UNC5C: variants seen among roughly 807,000 people sequenced by gnomAD.
UNC5C encodes netrin receptor UNC5C.
A neutral mutation model predicts 99.8 loss-of-function variants in UNC5C; 47 were observed. The ratio of observed to expected loss-of-function variants is 0.47; its 90% confidence interval spans 0.37 to 0.60. The LOEUF is 0.60. UNC5C is among the 20% of genes least tolerant of loss of function. The pLI is 0.00. For missense variants in UNC5C, 1,062 were observed against 1,165.9 expected (o/e 0.91, Z 1.30); for synonymous variants, 487 against 452.2 (o/e 1.08, Z -0.98).
At chr4:95,544,436 C>T (rs1285852363) in intron 1 of UNC5C, among the ~76,000 whole-genome samples, 2 of 152,150 alleles carry the variant, frequency 1.3e-5, no homozygotes, top group Non-Finnish European at 2.9e-5. Flanking sequence ...AACCCCCCAC[C>T]CACCACTCAC....
At chr4:95,403,625 G>A (rs1745758449) in intron 1 of UNC5C, among the ~76,000 whole-genome samples, 1 of 152,094 alleles carries the variant, frequency 6.6e-6, no homozygotes. Flanking sequence ...CATATTCGTA[G>A]CAGCTACAGA....
At chr4:95,427,517 T>G (rs547689250) in intron 1 of UNC5C, among the ~76,000 whole-genome samples, 1 of 152,218 alleles carries the variant, frequency 6.6e-6, no homozygotes, top group South Asian at 2.1e-4. Context: ...TTCAACAACC[T>G]CCATCCTGAT....
At position 95,203,306 on chromosome 4, in the gene UNC5C, C is replaced by T. The variant is rs1737756528; in HGVS notation, c.1903-342G>A. 2.0e-5 allele frequency among the ~76,000 whole-genome samples: 3 copies of T among 152,100 alleles called. No individual in the cohort carries two copies. The South Asian group carries it at 6.2e-4, about 32-fold the overall frequency. On this transcript the variant is annotated intron_variant, in intron 11 of 15. Coordinates refer to ENST00000453304, the MANE Select transcript of UNC5C (RefSeq NM_003728.4). ...TTCTACTATGTTCTTTCAAAACTCA[C>T]CTGACAGTTTCTTCCTAAAGAAATA...
At position 95,518,225 on chromosome 4, in the gene UNC5C, A is replaced by G. The variant is rs570211829; in HGVS notation, c.124+30509T>C. 3.3e-5 allele frequency among the ~76,000 whole-genome samples: 5 copies of G among 152,204 alleles called. No individual in the cohort carries two copies. The South Asian group carries it at 6.2e-4, about 19-fold the overall frequency. On this transcript the variant is annotated intron_variant, in intron 1 of 15. Coordinates refer to ENST00000453304, the MANE Select transcript of UNC5C (RefSeq NM_003728.4). The stretch of plus-strand genomic sequence containing the variant: ...TGTCACTGGGGATAGTGTCTGAAAA[A>G]ACAAGGCCCATTTTCTCACTCCAAA...
chr4:95,356,254 T>G (rs1424173629), intron 1 of UNC5C, among the ~76,000 whole-genome samples: 1 of 151,382 alleles, frequency 6.6e-6, no homozygotes, highest in Non-Finnish European at 1.5e-5. Flanking sequence ...TCCTCATTCT[T>G]TCCTATGGTA....
intron 1 of UNC5C, among the ~76,000 whole-genome samples, chr4:95,451,804 A>G (rs995534153): frequency 6.6e-6 from 1 of 152,206 alleles, no homozygotes; most frequent in Non-Finnish European, 1.5e-5. Flanking sequence ...AACAAATGAG[A>G]TAAATGTTAA....
chr4:95,411,205 A>T (rs1745977794), intron 1 of UNC5C, among the ~76,000 whole-genome samples: 1 of 152,162 alleles, frequency 6.6e-6, no homozygotes, highest in African/African-American at 2.4e-5. Flanking sequence ...ATCTAACTTT[A>T]AGATATTGAG....
At chr4:95,274,862 CTAAAAATACA>C (rs530228311) in intron 4 of UNC5C, among the ~76,000 whole-genome samples, 1 of 152,140 alleles carries the variant, frequency 6.6e-6, no homozygotes, top group African/African-American at 2.4e-5. Context: ...CCCGTCTCTA[CTAAAAATACA>C]AAAACTAGCC....
intron 12 of UNC5C, among the ~76,000 whole-genome samples, chr4:95,193,604 G>A (rs549141822): frequency 3.3e-5 from 5 of 152,236 alleles, no homozygotes; most frequent in East Asian, 3.9e-4. Flanking sequence ...ATCATGTGTC[G>A]AAAACCTGCC....
chr4:95,444,218 C>G (rs1183832175), intron 1 of UNC5C, among the ~76,000 whole-genome samples: 3 of 152,184 alleles, frequency 2.0e-5, no homozygotes, highest in Non-Finnish European at 2.9e-5. Context: ...ACCTCTTTCT[C>G]CTTTATTCAC....
intron 1 of UNC5C, among the ~76,000 whole-genome samples, chr4:95,458,684 A>G (rs552660552): frequency 2.8e-4 from 43 of 152,044 alleles, no homozygotes; most frequent in Non-Finnish European, 5.0e-4. Context: ...GGTAATAGGT[A>G]CTTATGAAAT....
chr4:95,198,511 G>T (rs1174007949), intron 12 of UNC5C, among the ~76,000 whole-genome samples: 1 of 152,152 alleles, frequency 6.6e-6, no homozygotes, highest in Non-Finnish European at 1.5e-5. Context: ...CAGAGAGACT[G>T]TGATTTAAGT....
intron 3 of UNC5C, among the ~76,000 whole-genome samples, chr4:95,298,230 T>C (rs780214653): frequency 6.6e-6 from 1 of 152,182 alleles, no homozygotes; most frequent in Non-Finnish European, 1.5e-5. Flanking sequence ...TAGAATCACC[T>C]GAGCCTGCGA....
At chr4:95,360,265 A>G (rs1744347973) in intron 1 of UNC5C, among the ~76,000 whole-genome samples, 1 of 152,180 alleles carries the variant, frequency 6.6e-6, no homozygotes, top group Non-Finnish European at 1.5e-5. Context: ...TATTTAACCA[A>G]TATATTTATA....
At chr4:95,486,075 T>A (rs1721320184) in intron 1 of UNC5C, among the ~76,000 whole-genome samples, 1 of 151,832 alleles carries the variant, frequency 6.6e-6, no homozygotes, top group African/African-American at 2.4e-5. Context: ...ATTTATATGA[T>A]TTAATCAGCT....
chr4:95,288,955 G>T (rs1415203151), intron 3 of UNC5C, among the ~76,000 whole-genome samples: 3 of 152,154 alleles, frequency 2.0e-5, no homozygotes, highest in Admixed American at 6.5e-5. Context: ...GCCTTTGGGG[G>T]TCATTATCTA....
chr4:95,416,625 A>G (rs1000152684), intron 1 of UNC5C, among the ~76,000 whole-genome samples: 1 of 152,232 alleles, frequency 6.6e-6, no homozygotes, highest in Non-Finnish European at 1.5e-5. Context: ...GGACAGTTAG[A>G]TCCAGTTCAC....
intron 1 of UNC5C, among the ~76,000 whole-genome samples, chr4:95,338,762 T>G (rs1743443583): frequency 6.6e-6 from 1 of 152,090 alleles, no homozygotes; most frequent in South Asian, 2.1e-4. Flanking sequence ...TGATCATTCC[T>G]AAGAGATTCA....
chr4:95,165,871 T>C lies in UNC5C; in HGVS notation c.*3363A>G, dbSNP rs1036221408. 1 of 152,234 alleles carries C rather than the reference T, an allele frequency of 6.6e-6. No homozygotes were observed. Among genetic ancestry groups the C allele is most frequent in the Non-Finnish European group, 1.5e-5 (1 of 68,042 alleles). The allele number at this position is 152,234 out of a possible 1,614,324, so 9.4% of individuals were successfully genotyped here. A position where few individuals can be genotyped will look rare whatever the true frequency, so the allele number is the denominator to read the frequency against. ...GTTTTATATAGATTTTACATAGTTCTGTTACAAGAAGCAACTGAAGATATG... is the reference window on the plus strand; with the variant it reads ...GTTTTATATAGATTTTACATAGTTCCGTTACAAGAAGCAACTGAAGATATG... On this transcript the variant is annotated 3_prime_UTR_variant, in exon 16 of 16. Coordinates refer to ENST00000453304, the MANE Select transcript of UNC5C (RefSeq NM_003728.4).
Sources: allele counts gnomAD v4.1 joint callset (sites outside exome capture counted in the v4.1 genomes callset), GRCh38; gene constraint gnomAD v4.1.1; transcripts MANE v1.5; gene names NCBI Gene and HGNC (gene_info 2026-07-23, HGNC 2026-07-21).